The following TMX3 variants were observed in gnomAD, a reference collection of about 807,000 sequenced individuals.
TMX3 encodes the protein protein disulfide-isomerase TMX3.
In TMX3, 40 loss-of-function variants were observed where a neutral mutation model predicts 64.4. That is an observed-to-expected ratio of 0.62 (90% CI 0.48 to 0.81). TMX3 has a LOEUF of 0.81. Among genes scored for constraint, TMX3 ranks in the 30% least tolerant of loss-of-function variants. The pLI is 0.00. For missense variants in TMX3, 497 were observed against 534.5 expected (o/e 0.93, Z 0.69); for synonymous variants, 189 against 175.7 (o/e 1.08, Z -0.60).
At chr18:68,680,878 G>A (rs1913355541) in intron 14 of TMX3, 103 bp downstream of exon 14, 2 of 1,197,708 alleles carry the variant, frequency 1.7e-6, no homozygotes, top group Admixed American at 2.7e-5. Flanking sequence ...TCTACTCCGG[G>A]TGATGGCCAA....
chr18:68,684,167 T>C (rs1158758499), intron 12 of TMX3, 23 bp downstream of exon 12: 1 of 1,561,398 alleles, frequency 6.4e-7, no homozygotes, highest in Non-Finnish European at 8.7e-7. Context: ...AATAAAGGAA[T>C]CTCTCAGAAT....
intron 14 of TMX3, among the ~76,000 whole-genome samples, chr18:68,679,743 C>G (rs1913242668): frequency 6.6e-6 from 1 of 152,128 alleles, no homozygotes; most frequent in Non-Finnish European, 1.5e-5. Flanking sequence ...CACCCTGATT[C>G]TACTCTAAAC....
At chr18:68,679,737 C>T (rs569204866) in intron 14 of TMX3, among the ~76,000 whole-genome samples, 32 of 152,220 alleles carry the variant, frequency 2.1e-4, no homozygotes, top group African/African-American at 7.7e-4. Context: ...TTAATTCACC[C>T]TGATTCTACT....
At chr18:68,679,906 G>T (rs1913258320) in intron 14 of TMX3, among the ~76,000 whole-genome samples, 1 of 152,132 alleles carries the variant, frequency 6.6e-6, no homozygotes, top group Admixed American at 6.5e-5. Flanking sequence ...CTTCCCTGAG[G>T]ATGAAAGTGC....
chr18:68,679,346 T>G (rs1913204869), intron 15 of TMX3, 117 bp downstream of exon 15: 3 of 717,978 alleles, frequency 4.2e-6, no homozygotes, highest in Middle Eastern at 4.0e-4. Context: ...AGTCATATCC[T>G]GCAAATTAAA....
intron 13 of TMX3, 34 bp from the exon 14 acceptor site, chr18:68,681,144 A>T (rs968024137): frequency 6.7e-7 from 1 of 1,498,172 alleles, no homozygotes; most frequent in African/African-American, 1.4e-5. Flanking sequence ...AATATACATT[A>T]AACACAGCAA....
At chr18:68,700,534 A>G (rs766841254) in intron 5 of TMX3, 49 bp from the exon 6 acceptor site, 1 of 1,302,250 alleles carries the variant, frequency 7.7e-7, no homozygotes, top group Non-Finnish European at 1.0e-6. Context: ...AACAGTTTTA[A>G]TATTTAATGT....
At chr18:68,698,057 A>G in intron 6 of TMX3, 26 bp from the exon 7 acceptor site, 1 of 1,487,660 alleles carries the variant, frequency 6.7e-7, no homozygotes, top group Non-Finnish European at 9.3e-7. Context: ...ACAAAAAACA[A>G]ACTTGAATTA....
chr18:68,707,416 T>A (rs1000677162), intron 4 of TMX3, among the ~76,000 whole-genome samples: 1 of 152,138 alleles, frequency 6.6e-6, no homozygotes, highest in Non-Finnish European at 1.5e-5. Context: ...AGGAAAACAA[T>A]CTTGGCTATG....
Position 68,676,924 on chromosome 18 carries a change from C to A in TMX3, c.*9G>T. The A allele has an allele frequency of 1.2e-6, 2 of 1,608,688 alleles. No individual in the cohort carries two copies. The highest frequency in any genetic ancestry group is 1.3e-5 in the African/African-American group (1 of 74,586). On this transcript the variant is annotated 3_prime_UTR_variant, in exon 16 of 16. Coordinates refer to ENST00000299608, the MANE Select transcript of TMX3 (RefSeq NM_019022.5). ...GAAGTCCTAACAAATATTTTATAGT[C>A]ATCAAGTCTCAATCTTTCTTCTTTT...
At chr18:68,700,560 G>T in intron 5 of TMX3, 75 bp from the exon 6 acceptor site, 1 of 1,148,544 alleles carries the variant, frequency 8.7e-7, no homozygotes. Flanking sequence ...ATTATCTATT[G>T]TTTCATAAAA....
intron 4 of TMX3, among the ~76,000 whole-genome samples, chr18:68,704,030 C>T (rs2030403684): frequency 6.6e-6 from 1 of 152,012 alleles, no homozygotes; most frequent in African/African-American, 2.4e-5. Context: ...TCATTTATCG[C>T]CTATGTAACT....
chr18:68,700,829 G>A, intron 5 of TMX3: 1 of 984,712 alleles, frequency 1.0e-6, no homozygotes, highest in Non-Finnish European at 1.2e-6. Flanking sequence ...CTGTCAAAAG[G>A]TAAATGAAAG....
intron 14 of TMX3, among the ~76,000 whole-genome samples, chr18:68,679,964 A>G (rs1913263143): frequency 6.6e-6 from 1 of 152,116 alleles, no homozygotes; most frequent in Admixed American, 6.6e-5. Context: ...CTCAAATCCT[A>G]TATTCGGCCA....
chr18:68,684,144 G>A (rs1439728422), intron 12 of TMX3, 46 bp downstream of exon 12: 1 of 1,387,848 alleles, frequency 7.2e-7, no homozygotes, highest in Non-Finnish European at 1.0e-6. Flanking sequence ...ATTACAAAAT[G>A]GTATTAAACA....
intron 8 of TMX3, among the ~76,000 whole-genome samples, chr18:68,692,823 T>G (rs1217871402): frequency 1.3e-5 from 2 of 152,204 alleles, no homozygotes; most frequent in African/African-American, 2.4e-5. Context: ...AATATGCTCA[T>G]GTAACAGATG....
intron 2 of TMX3, among the ~76,000 whole-genome samples, chr18:68,712,844 A>ATT (rs901545789): frequency 2.0e-4 from 30 of 152,040 alleles, no homozygotes; most frequent in Non-Finnish European, 3.5e-4. Context: ...GACTGTCAGG[A>ATT]TTTTTGCTCT....
chr18:68,700,598 A>G, intron 5 of TMX3, 113 bp from the exon 6 acceptor site: 1 of 990,252 alleles, frequency 1.0e-6, no homozygotes. Flanking sequence ...GTAAATGCAG[A>G]GAAGTTTTAG....
intron 9 of TMX3, chr18:68,691,059 A>G (rs1253632436): frequency 5.2e-6 from 2 of 383,752 alleles, no homozygotes. Context: ...TCAAAAACGC[A>G]TATAATTTAA....
Sources: allele counts gnomAD v4.1 joint callset (sites outside exome capture counted in the v4.1 genomes callset), GRCh38; gene constraint gnomAD v4.1.1; transcripts MANE v1.5; gene names NCBI Gene and HGNC (gene_info 2026-07-23, HGNC 2026-07-21).